The following RNF43 variants were observed in gnomAD, a reference collection of about 807,000 sequenced individuals.
RNF43 encodes E3 ubiquitin-protein ligase RNF43.
A neutral mutation model predicts 78.4 loss-of-function variants in RNF43; 37 were observed. The observed-to-expected ratio is 0.47, with a 90% CI of 0.36 to 0.62. The LOEUF (loss-of-function observed/expected upper bound fraction) is 0.62, where lower values mean the gene tolerates loss of function less well. Among genes scored for constraint, RNF43 ranks in the 20% least tolerant of loss-of-function variants. The pLI is 0.00. For missense variants in RNF43, 774 were observed against 1,007.9 expected, an observed-to-expected ratio of 0.77 and a Z score of 3.14; for synonymous variants, 347 against 395.0, an observed-to-expected ratio of 0.88 and a Z score of 1.44.
chr17:58,395,206 GA>G (rs1973651475), intron 2 of RNF43, among the ~76,000 whole-genome samples: 3 of 152,020 alleles, frequency 2.0e-5, no homozygotes, highest in African/African-American at 7.2e-5. Context: ...ATTCCTTTGG[GA>G]AAAAAATATA....
intron 3 of RNF43, among the ~76,000 whole-genome samples, chr17:58,364,424 C>G (rs1972905926): frequency 6.6e-6 from 1 of 152,124 alleles, no homozygotes; most frequent in Non-Finnish European, 1.5e-5. Flanking sequence ...CCAGGCAGAA[C>G]AGATAGCAGT....
intron 2 of RNF43, among the ~76,000 whole-genome samples, chr17:58,401,338 T>G (rs918090475): frequency 6.6e-6 from 1 of 152,260 alleles, no homozygotes; most frequent in Non-Finnish European, 1.5e-5. Flanking sequence ...CCTCCTGATA[T>G]TGGAACATCC....
intron 2 of RNF43, among the ~76,000 whole-genome samples, chr17:58,399,684 C>A (rs1250552710): frequency 6.6e-6 from 1 of 151,890 alleles, no homozygotes; most frequent in Non-Finnish European, 1.5e-5. Context: ...CTCTGTCACC[C>A]AGGCTGGAGT....
At chr17:58,406,681 T>C (rs2143663603) in intron 2 of RNF43, among the ~76,000 whole-genome samples, 1 of 152,172 alleles carries the variant, frequency 6.6e-6, no homozygotes, top group South Asian at 2.1e-4. Flanking sequence ...AAAGATGTTT[T>C]TTGTTGTTTT....
At chr17:58,355,767 A>C (rs1325155817) in intron 9 of RNF43, among the ~76,000 whole-genome samples, 4 of 152,178 alleles carry the variant, frequency 2.6e-5, no homozygotes, top group African/African-American at 9.7e-5. Context: ...GTAGGTGAGC[A>C]GTGGAGCTGT....
chr17:58,358,869 A>G lies in RNF43; in HGVS notation c.953-46T>C. 7.0e-7 allele frequency: 1 copy of G among 1,433,296 alleles called. No individual in the cohort carries two copies. The highest frequency in any genetic ancestry group is 9.1e-7 in the Non-Finnish European group (1 of 1,094,612). 88.8% of individuals were successfully genotyped at this position (1,433,296 alleles called of 1,614,324 possible). A position where few individuals can be genotyped will look rare whatever the true frequency, so the allele number is the denominator to read the frequency against. On this transcript the variant is annotated intron_variant, in intron 8 of 9. Coordinates refer to ENST00000407977, the MANE Select transcript of RNF43 (RefSeq NM_017763.6). The surrounding 1 kb of genome is among the most constrained non-coding windows in gnomAD (Gnocchi z 6.2). ...CACAGATGTTTAACTCTACAAACCT[A>G]CAGAGAATGCATTCAGAAAGACATG...
chr17:58,355,323 T>C (rs185472547), intron 9 of RNF43, among the ~76,000 whole-genome samples: 1 of 152,242 alleles, frequency 6.6e-6, no homozygotes, highest in Admixed American at 6.5e-5. Context: ...TGGTAACCTT[T>C]TTGGAGAGAA....
chr17:58,375,896 G>A (rs912305333), intron 2 of RNF43, among the ~76,000 whole-genome samples: 3 of 152,220 alleles, frequency 2.0e-5, no homozygotes, highest in African/African-American at 7.2e-5. Flanking sequence ...AAAAGCAAAT[G>A]TTGTTTAAAG....
chr17:58,415,241 G>A (rs1011964757), intron 2 of RNF43, 85 bp downstream of exon 2: 60 of 1,421,660 alleles, frequency 4.2e-5, no homozygotes, highest in Non-Finnish European at 5.0e-5. Context: ...GTAGAAGCCC[G>A]TGTATGGTAT....
At chr17:58,415,231 G>A (rs2143692929) in intron 2 of RNF43, 95 bp downstream of exon 2, 1 of 1,330,184 alleles carries the variant, frequency 7.5e-7, no homozygotes, top group Non-Finnish European at 1.1e-6. Flanking sequence ...AAGCTAAGCA[G>A]TAGAAGCCCG....
intron 2 of RNF43, chr17:58,402,750 T>A (rs1206170185): frequency 6.6e-6 from 1 of 152,220 alleles, no homozygotes; most frequent in African/African-American, 2.4e-5. Flanking sequence ...GGTGGTTGTG[T>A]CTCTTTATGC....
intron 2 of RNF43, among the ~76,000 whole-genome samples, chr17:58,390,259 C>T (rs1973523566): frequency 6.6e-6 from 1 of 152,114 alleles, no homozygotes; most frequent in African/African-American, 2.4e-5. Context: ...GAGATCAGAG[C>T]TTTCTAACTA....
At chr17:58,353,215 T>A (rs977904152), downstream of RNF43, 10 of 216,926 alleles carry the variant, frequency 4.6e-5, no homozygotes, top group African/African-American at 2.0e-4. Flanking sequence ...GGTCCCATGC[T>A]GTGTTCAGAT....
chr17:58,359,436 A>T (rs951311850), intron 8 of RNF43, among the ~76,000 whole-genome samples: 1 of 150,438 alleles, frequency 6.6e-6, no homozygotes, highest in Non-Finnish European at 1.5e-5. Flanking sequence ...CTCTACTAAA[A>T]GTCCAAAAAA....
intron 2 of RNF43, among the ~76,000 whole-genome samples, chr17:58,390,085 CTT>C (rs779859458): frequency 4.6e-5 from 7 of 152,160 alleles, no homozygotes; most frequent in Non-Finnish European, 7.3e-5. Flanking sequence ...GCTCTGCACT[CTT>C]TTATTTTATC....
In RNF43 at chr17:58,373,645, CATT is replaced by C. The variant is rs774363360; in HGVS notation, c.253-2615_253-2613del. Among the ~76,000 whole-genome samples, 22 of 152,320 alleles carry C rather than the reference CATT, an allele frequency of 1.4e-4. No individual in the cohort carries two copies. The South Asian group carries it at 1.5e-3, about 10-fold the overall frequency. ...AGAATGGAATATCCATCTCCTCAAG[CATT>C]AATCCCTTGTATTACAAACAATTCA... is the stretch of plus-strand genomic sequence containing the variant. On this transcript the variant is annotated intron_variant, in intron 2 of 9. Transcript: ENST00000407977.
At chr17:58,356,467 G>A (rs1972686506) in intron 9 of RNF43, among the ~76,000 whole-genome samples, 1 of 152,180 alleles carries the variant, frequency 6.6e-6, no homozygotes, top group Non-Finnish European at 1.5e-5. Flanking sequence ...ATGTGGGCAA[G>A]TAAACACCAT....
chr17:58,360,741 C>T lies in RNF43; in HGVS notation c.849+42G>A, dbSNP rs769974727. The T allele has an allele frequency of 1.3e-6, 2 of 1,568,678 alleles. No homozygotes were observed. Among genetic ancestry groups the T allele is most frequent in the African/African-American group, 1.4e-5 (1 of 73,992 alleles). On this transcript the variant is annotated intron_variant, in intron 7 of 9. Transcript: ENST00000407977. This position sits in a 1 kb window ranked among gnomAD's most constrained non-coding sequence, Gnocchi z 4.3. Reference sequence around the variant, plus strand: ...CCCACCCCTCCCCCAGCTTCAATCTCCCCAGTCTGGTCATGGAGGTGAACC... The same window carrying T: ...CCCACCCCTCCCCCAGCTTCAATCTTCCCAGTCTGGTCATGGAGGTGAACC...
intron 2 of RNF43, among the ~76,000 whole-genome samples, chr17:58,397,770 G>A (rs1031963091): frequency 9.2e-5 from 14 of 152,106 alleles, no homozygotes; most frequent in Admixed American, 2.0e-4. Flanking sequence ...TGAGACCGCA[G>A]TCAAGTCCTA....
Sources: allele counts gnomAD v4.1 joint callset (sites outside exome capture counted in the v4.1 genomes callset), GRCh38; gene constraint gnomAD v4.1.1; non-coding constraint Gnocchi (gnomAD v3.1); transcripts MANE v1.5; gene names NCBI Gene and HGNC (gene_info 2026-07-23, HGNC 2026-07-21).